Variants in PRKG1 observed in about 807,000 individuals in gnomAD.
The protein encoded by PRKG1 is protein kinase cGMP-dependent 1, also known as cGMP-dependent protein kinase 1.
PRKG1 carries 35 observed loss-of-function variants against 88.1 expected under a neutral mutation model. That is an observed-to-expected ratio of 0.40 (90% confidence interval 0.30 to 0.53). The LOEUF is 0.53. PRKG1 is among the 20% of genes least tolerant of loss of function. The probability of loss-of-function intolerance (pLI) is 0.59; values close to 1 mark genes in which losing one functional copy is unlikely to be tolerated. For synonymous variants in PRKG1, 303 were observed against 292.5 expected, an observed-to-expected ratio of 1.04 and a Z score of -0.37; for missense variants, 540 against 839.8, an observed-to-expected ratio of 0.64 and a Z score of 4.41.
At chr10:51,550,866 A>C (rs1257616461) in intron 3 of PRKG1, among the ~76,000 whole-genome samples, 1 of 151,906 alleles carries the variant, frequency 6.6e-6, no homozygotes, top group East Asian at 1.9e-4. Flanking sequence ...TCAATGTCAA[A>C]ATTTTGTTAC....
intron 3 of PRKG1, among the ~76,000 whole-genome samples, chr10:51,629,476 G>A (rs926059310): frequency 1.3e-5 from 2 of 151,372 alleles, no homozygotes; most frequent in Non-Finnish European, 2.9e-5. Context: ...GGGAGACAGC[G>A]ACACCCAAAG....
Position 51,392,111 on chromosome 10 carries a change from A to G in PRKG1, c.479-75612A>G, listed in dbSNP as rs1014188927. ...ACAGTTAAATAAATTCTTGGGTTCT[A>G]TGAACAGAATTTTTACATGATGAAT... On this transcript the variant is annotated intron_variant, in intron 2 of 17. Coordinates refer to ENST00000373980, the MANE Select transcript of PRKG1 (RefSeq NM_006258.4). 5.9e-5 allele frequency among the ~76,000 whole-genome samples: 9 copies of G among 152,104 alleles called. No individual in the cohort carries two copies. In the South Asian group the frequency reaches 1.9e-3, roughly 32 times the overall value.
intron 9 of PRKG1, among the ~76,000 whole-genome samples, chr10:52,208,451 A>G (rs1369402098): frequency 6.6e-6 from 1 of 152,220 alleles, no homozygotes; most frequent in Non-Finnish European, 1.5e-5. Context: ...ATCACATCAC[A>G]GAAGTATTAT....
chr10:51,111,283 T>C (rs1195695364), intron 1 of PRKG1, among the ~76,000 whole-genome samples: 1 of 152,174 alleles, frequency 6.6e-6, no homozygotes, highest in African/African-American at 2.4e-5. Context: ...TTTAAATTTT[T>C]TGTGTGGGCA....
intron 2 of PRKG1, among the ~76,000 whole-genome samples, chr10:51,309,192 G>T (rs890290520): frequency 1.3e-5 from 2 of 152,056 alleles, no homozygotes; most frequent in African/African-American, 4.8e-5. Flanking sequence ...CAGAAGGATG[G>T]GTTTAGAGAT....
chr10:52,214,755 A>G (rs1840066916), intron 9 of PRKG1, among the ~76,000 whole-genome samples: 2 of 152,090 alleles, frequency 1.3e-5, no homozygotes, highest in African/African-American at 4.8e-5. Context: ...AGGAATTCCA[A>G]CTTGATACAA....
At chr10:51,578,980 G>GTTTTTTTTTTTTTTTTTTTTTTTTTTTT (rs752412264) in intron 3 of PRKG1, among the ~76,000 whole-genome samples, 5 of 77,832 alleles carry the variant, frequency 6.4e-5, no homozygotes, top group Non-Finnish European at 7.6e-5. Flanking sequence ...AGTTCTGTTG[G>GTTTTTTTTTTTTTTTTTTTTTTTTTTTT]TTTTTTTTTT....
intron 4 of PRKG1, among the ~76,000 whole-genome samples, chr10:51,857,146 T>G (rs1486118197): frequency 6.6e-6 from 1 of 152,154 alleles, no homozygotes; most frequent in South Asian, 2.1e-4. Flanking sequence ...ACATTTCATT[T>G]GATTATTTTG....
chr10:51,904,664 A>C (rs541999103), intron 4 of PRKG1, among the ~76,000 whole-genome samples: 1 of 152,268 alleles, frequency 6.6e-6, no homozygotes, highest in East Asian at 1.9e-4. Context: ...TGAAGTCCAG[A>C]AGTGCTTCAG....
At chr10:51,931,401 G>T (rs1842692324) in intron 5 of PRKG1, among the ~76,000 whole-genome samples, 1 of 152,230 alleles carries the variant, frequency 6.6e-6, no homozygotes, top group African/African-American at 2.4e-5. Context: ...ATCACTTGAA[G>T]CCAGGAGTTC....
rs186556748 is a variant in PRKG1 at position 51,332,701 on chromosome 10, C to T, written c.479-135022C>T. Reference sequence around the variant, plus strand: ...TCTGTTGACCTACTGTTCACTGAATCGATTAGTATAGTTACTTTTTCATAC... The same window carrying T: ...TCTGTTGACCTACTGTTCACTGAATTGATTAGTATAGTTACTTTTTCATAC... On this transcript the variant is annotated intron_variant, in intron 2 of 17. Transcript: ENST00000373980. 2.7e-3 allele frequency among the ~76,000 whole-genome samples: 413 copies of T among 152,202 alleles called. 1 individual carries two copies. Among genetic ancestry groups the T allele is most frequent in the South Asian group, 4.6e-3 (22 of 4,822 alleles).
chr10:51,067,141 A>T (rs1408396151), intron 1 of PRKG1, among the ~76,000 whole-genome samples: 1 of 151,954 alleles, frequency 6.6e-6, no homozygotes, highest in South Asian at 2.1e-4. Flanking sequence ...TGGGGGAGAC[A>T]TTCACATCAT....
At position 51,080,323 on chromosome 10, in the gene PRKG1, G is replaced by A. The variant is rs957306528; in HGVS notation, c.311+5422G>A. Among the ~76,000 whole-genome samples, 8 of 152,268 alleles carry A rather than the reference G, an allele frequency of 5.3e-5. No individual in the cohort carries two copies. In the East Asian group the frequency reaches 1.5e-3, roughly 29 times the overall value. Reference sequence around the variant, plus strand: ...ATTACCAGCTTCCTTGCTCTACTGGGTCACATTTCCAAGCTCCTGCTACTT... The same window carrying A: ...ATTACCAGCTTCCTTGCTCTACTGGATCACATTTCCAAGCTCCTGCTACTT... On this transcript the variant is annotated intron_variant, in intron 1 of 17. Coordinates refer to ENST00000373980, the MANE Select transcript of PRKG1 (RefSeq NM_006258.4).
intron 3 of PRKG1, among the ~76,000 whole-genome samples, chr10:51,550,057 A>G (rs1837087132): frequency 6.6e-6 from 1 of 152,092 alleles, no homozygotes; most frequent in Admixed American, 6.6e-5. Context: ...CTTTAATAAT[A>G]CTCAATTCCC....
chr10:51,665,927 G>A (rs879369265), intron 3 of PRKG1, among the ~76,000 whole-genome samples: 5 of 152,070 alleles, frequency 3.3e-5, no homozygotes, highest in Admixed American at 2.0e-4. Flanking sequence ...ATGTGTGTGT[G>A]TGTGTGTGTT....
chr10:51,081,754 A>T (rs1183608012), intron 1 of PRKG1, among the ~76,000 whole-genome samples: 1 of 152,146 alleles, frequency 6.6e-6, no homozygotes, highest in African/African-American at 2.4e-5. Context: ...CATTGATTGA[A>T]TGATTGATTG....
chr10:51,768,590 A>C (rs776536951), intron 3 of PRKG1, among the ~76,000 whole-genome samples: 1 of 152,166 alleles, frequency 6.6e-6, no homozygotes, highest in Non-Finnish European at 1.5e-5. Flanking sequence ...AGTAAGTGCT[A>C]GGATTGAGCA....
chr10:51,428,928 T>C (rs1838677939), intron 2 of PRKG1, among the ~76,000 whole-genome samples: 2 of 152,166 alleles, frequency 1.3e-5, no homozygotes, highest in Admixed American at 6.5e-5. Context: ...ATTGTGTGCA[T>C]TGAGGGCTCA....
At chr10:51,037,793 A>C (rs1371457253) in intron 1 of PRKG1, among the ~76,000 whole-genome samples, 1 of 152,150 alleles carries the variant, frequency 6.6e-6, no homozygotes, top group Non-Finnish European at 1.5e-5. Context: ...AAAAAAAAAA[A>C]AATTAAAAAA....
Sources: gnomAD v4.1 joint callset for allele counts (sites outside exome capture counted in the v4.1 genomes callset) on GRCh38, gnomAD v4.1.1 for gene constraint, MANE v1.5 for transcripts, NCBI Gene and HGNC (gene_info 2026-07-23, HGNC 2026-07-21) for gene names.